The following PTPRM variants were observed in gnomAD, a reference collection of about 807,000 sequenced individuals.
PTPRM encodes protein tyrosine phosphatase receptor type M.
A neutral mutation model predicts 186.7 loss-of-function variants in PTPRM; 47 were observed. The ratio of observed to expected loss-of-function variants is 0.25; its 90% confidence interval spans 0.20 to 0.32. PTPRM has a LOEUF of 0.32. Among genes scored for constraint, PTPRM ranks in the 10% least tolerant of loss-of-function variants. The pLI is 1.00. For missense variants in PTPRM, 1,494 were observed against 1,865.0 expected, an observed-to-expected ratio of 0.80 and a Z score of 3.66; for synonymous variants, 668 against 674.9, an observed-to-expected ratio of 0.99 and a Z score of 0.16.
At chr18:8,379,411 T>G in intron 28 of PTPRM, 71 bp downstream of exon 28, 1 of 1,392,842 alleles carries the variant, frequency 7.2e-7, no homozygotes, top group Non-Finnish European at 9.5e-7. Flanking sequence ...GGCTTGGGTC[T>G]TCCCCATTCT....
At chr18:8,031,556 G>T (rs2085976638) in intron 7 of PTPRM, among the ~76,000 whole-genome samples, 1 of 152,174 alleles carries the variant, frequency 6.6e-6, no homozygotes, top group Non-Finnish European at 1.5e-5. Flanking sequence ...TCTTACTCGT[G>T]CACCTTAAGT....
chr18:8,305,595 G>T (rs1410980719), intron 20 of PTPRM, among the ~76,000 whole-genome samples: 2 of 152,194 alleles, frequency 1.3e-5, no homozygotes, highest in Non-Finnish European at 2.9e-5. Flanking sequence ...AGGGATTCTG[G>T]CTCGGGAGCC....
At chr18:8,384,301 T>C (rs569095885) in intron 29 of PTPRM, among the ~76,000 whole-genome samples, 1 of 152,050 alleles carries the variant, frequency 6.6e-6, no homozygotes, top group East Asian at 1.9e-4. Context: ...TCTCCAAAAA[T>C]ACAAAAATTA....
intron 15 of PTPRM, among the ~76,000 whole-genome samples, chr18:8,246,752 A>C (rs1199509974): frequency 6.6e-6 from 1 of 152,216 alleles, no homozygotes; most frequent in Non-Finnish European, 1.5e-5. Flanking sequence ...AATGACAGGC[A>C]GCCTGAGTTC....
chr18:8,395,589 G>A (rs898448596), intron 32 of PTPRM, among the ~76,000 whole-genome samples: 7 of 152,112 alleles, frequency 4.6e-5, no homozygotes, highest in African/African-American at 1.4e-4. Flanking sequence ...TACATGTCTC[G>A]TGCCTGATGA....
rs189437728 is a variant in PTPRM at position 7,925,616 on chromosome 18, G to A, written c.548-952G>A. ...TGGCAAGGCGTGACAGATGCATTCT[G>A]GTTATTATCCAGATTTATCTGTCTC... is the stretch of plus-strand genomic sequence containing the variant. On this transcript the variant is annotated intron_variant, in intron 4 of 32. Coordinates refer to ENST00000580170, the MANE Select transcript of PTPRM (RefSeq NM_001105244.2). 8.6e-3 allele frequency among the ~76,000 whole-genome samples: 1,316 copies of A among 152,154 alleles called. 8 individuals are homozygous for A. The highest frequency in any genetic ancestry group is 0.023 in the South Asian group (109 of 4,812).
chr18:7,890,796 T>C (rs2049033121), intron 3 of PTPRM, among the ~76,000 whole-genome samples: 1 of 152,204 alleles, frequency 6.6e-6, no homozygotes, highest in Non-Finnish European at 1.5e-5. Context: ...TGTTAATTTA[T>C]GCTACCTCAA....
At position 8,150,629 on chromosome 18, in the gene PTPRM, C is replaced by A. The variant is rs1050974092; in HGVS notation, c.2300+6850C>A. Among the ~76,000 whole-genome samples the A allele has an allele frequency of 1.2e-3, 188 of 152,198 alleles. 1 individual carries two copies. The highest frequency in any genetic ancestry group is 3.8e-4 in the Non-Finnish European group (26 of 68,024). ...CTTGGAGGAGTTTGTTATTACCGACCTTGTGAAGCCTACTTCTGTCACTTC... is the reference window on the plus strand; with the variant it reads ...CTTGGAGGAGTTTGTTATTACCGACATTGTGAAGCCTACTTCTGTCACTTC... On this transcript the variant is annotated intron_variant, in intron 14 of 32. Transcript: ENST00000580170.
At chr18:8,053,758 C>T (rs8095359) in intron 7 of PTPRM, among the ~76,000 whole-genome samples, 1 of 152,148 alleles carries the variant, frequency 6.6e-6, no homozygotes, top group South Asian at 2.1e-4. Flanking sequence ...ACCTTTACCA[C>T]ATTGAGTCTG....
At chr18:8,326,388 C>T (rs1340012333) in intron 22 of PTPRM, among the ~76,000 whole-genome samples, 1 of 152,152 alleles carries the variant, frequency 6.6e-6, no homozygotes, top group Non-Finnish European at 1.5e-5. Flanking sequence ...CAATGCTATT[C>T]CTATCAAACT....
At chr18:8,188,297 C>T (rs2093668129) in intron 14 of PTPRM, among the ~76,000 whole-genome samples, 1 of 152,248 alleles carries the variant, frequency 6.6e-6, no homozygotes, top group Non-Finnish European at 1.5e-5. Flanking sequence ...AGGATGTACA[C>T]AGCTGAAACC....
chr18:7,770,108 A>G (rs1598608736), intron 1 of PTPRM, among the ~76,000 whole-genome samples: 1 of 152,154 alleles, frequency 6.6e-6, no homozygotes, highest in East Asian at 1.9e-4. Context: ...TTCTGGAGAA[A>G]AGTTAGGGAG....
At chr18:7,763,637 G>A (rs368138471) in intron 1 of PTPRM, among the ~76,000 whole-genome samples, 7 of 152,244 alleles carry the variant, frequency 4.6e-5, no homozygotes, top group African/African-American at 1.2e-4. Context: ...ATATTTTACC[G>A]ACAGGATATG....
At chr18:8,086,064 C>G (rs1191042826) in intron 10 of PTPRM, among the ~76,000 whole-genome samples, 192 bp downstream of exon 10, 1 of 152,138 alleles carries the variant, frequency 6.6e-6, no homozygotes. Context: ...GCTTAAGATC[C>G]TCACATGTTA....
intron 2 of PTPRM, among the ~76,000 whole-genome samples, chr18:7,830,585 A>G (rs541053202): frequency 6.6e-6 from 1 of 152,314 alleles, no homozygotes; most frequent in South Asian, 2.1e-4. Context: ...TAGGCAGTAC[A>G]TGACTTACCT....
chr18:7,796,256 A>C (rs1421092559), intron 2 of PTPRM, among the ~76,000 whole-genome samples: 1 of 152,032 alleles, frequency 6.6e-6, no homozygotes, highest in Non-Finnish European at 1.5e-5. Flanking sequence ...GTGCCTGTGG[A>C]TGGCAGGTGC....
At chr18:8,357,203 T>C (rs567067393) in intron 23 of PTPRM, among the ~76,000 whole-genome samples, 2 of 152,226 alleles carry the variant, frequency 1.3e-5, no homozygotes, top group Admixed American at 1.3e-4. Context: ...ATGAATTGTG[T>C]AGAGGATCTG....
chr18:7,892,762 T>C (rs1156567277), intron 3 of PTPRM, among the ~76,000 whole-genome samples: 17 of 152,214 alleles, frequency 1.1e-4, no homozygotes, highest in Non-Finnish European at 1.5e-5. Flanking sequence ...GGTGCCAGCA[T>C]CGTCCGATTC....
intron 7 of PTPRM, among the ~76,000 whole-genome samples, chr18:8,019,581 CTTCTT>C (rs879427110): frequency 3.4e-4 from 52 of 151,578 alleles, no homozygotes; most frequent in Non-Finnish European, 4.7e-4. Context: ...TTTCCTCCTA[CTTCTT>C]TTCTTTTCTT....
Sources: gnomAD v4.1 joint callset for allele counts (sites outside exome capture counted in the v4.1 genomes callset) on GRCh38, gnomAD v4.1.1 for gene constraint, MANE v1.5 for transcripts, NCBI Gene and HGNC (gene_info 2026-07-23, HGNC 2026-07-21) for gene names.